Variants in GABRB3 observed in about 807,000 individuals in gnomAD.
GABRB3 encodes gamma-aminobutyric acid type A receptor subunit beta3, also known as gamma-aminobutyric acid receptor subunit beta-3.
In GABRB3, 14 loss-of-function variants were observed where a neutral mutation model predicts 52.1. The ratio of observed to expected loss-of-function variants is 0.27; its 90% CI spans 0.18 to 0.42. The LOEUF (loss-of-function observed/expected upper bound fraction) is 0.42. Ranked by LOEUF, GABRB3 falls within the 10% of genes least tolerant of loss-of-function variation. The pLI, the probability that GABRB3 is intolerant of heterozygous loss-of-function variation, is 1.00. For missense variants in GABRB3, 307 were observed against 609.1 expected (o/e 0.50, Z 5.22); for synonymous variants, 260 against 232.3 (o/e 1.12, Z -1.08).
At chr15:26,660,905 C>T (rs1887521311) in intron 3 of GABRB3, among the ~76,000 whole-genome samples, 1 of 152,124 alleles carries the variant, frequency 6.6e-6, no homozygotes, top group Non-Finnish European at 1.5e-5. Context: ...GTAGCGTGCA[C>T]TCATGGCTCA....
chr15:26,768,823 C>A (rs771599328), intron 3 of GABRB3, among the ~76,000 whole-genome samples: 3 of 151,566 alleles, frequency 2.0e-5, no homozygotes, highest in Non-Finnish European at 4.4e-5. Flanking sequence ...AAAGAATGTA[C>A]GAAAAGAAAC....
intron 6 of GABRB3, among the ~76,000 whole-genome samples, chr15:26,570,071 C>T (rs949377282): frequency 3.3e-5 from 5 of 152,184 alleles, no homozygotes; most frequent in African/African-American, 1.2e-4. Flanking sequence ...GTGGAGGACA[C>T]ACAGATCCCT....
intron 3 of GABRB3, among the ~76,000 whole-genome samples, chr15:26,717,830 G>A (rs924832574): frequency 1.3e-5 from 2 of 152,192 alleles, no homozygotes; most frequent in Admixed American, 6.5e-5. Flanking sequence ...GAACTCAACA[G>A]CTGTAACAAA....
chr15:26,747,788 C>G (rs1890386773), intron 3 of GABRB3, among the ~76,000 whole-genome samples: 1 of 152,016 alleles, frequency 6.6e-6, no homozygotes, highest in Admixed American at 6.6e-5. Flanking sequence ...GGGAAAAAAT[C>G]CAGTCATTCA....
intron 5 of GABRB3, among the ~76,000 whole-genome samples, chr15:26,582,183 C>T (rs1315753485): frequency 1.3e-5 from 2 of 152,216 alleles, no homozygotes; most frequent in African/African-American, 2.4e-5. Flanking sequence ...TCTTCCTGCT[C>T]ATCATACACC....
At chr15:26,735,079 G>A (rs1021767536) in intron 3 of GABRB3, among the ~76,000 whole-genome samples, 1 of 152,088 alleles carries the variant, frequency 6.6e-6, no homozygotes, top group Admixed American at 6.6e-5. Flanking sequence ...ATGAACAACA[G>A]ACATAAACAA....
At chr15:26,639,898 G>C (rs1893152688) in intron 3 of GABRB3, among the ~76,000 whole-genome samples, 1 of 152,182 alleles carries the variant, frequency 6.6e-6, no homozygotes, top group African/African-American at 2.4e-5. Flanking sequence ...GGAAGATTTA[G>C]GTTTCACAAA....
intron 3 of GABRB3, among the ~76,000 whole-genome samples, chr15:26,733,415 C>T (rs369018869): frequency 1.3e-5 from 2 of 151,654 alleles, no homozygotes; most frequent in African/African-American, 4.8e-5. Context: ...ATTCATGATA[C>T]AATAAAAAAT....
At chr15:26,771,100 T>G (rs1891131453) in intron 3 of GABRB3, among the ~76,000 whole-genome samples, 1 of 152,200 alleles carries the variant, frequency 6.6e-6, no homozygotes, top group Non-Finnish European at 1.5e-5. Flanking sequence ...CTTGGCGTGG[T>G]CAAAAGTTTC....
At chr15:26,629,154 G>C in intron 3 of GABRB3, 1 of 1,507,084 alleles carries the variant, frequency 6.6e-7, no homozygotes, top group African/African-American at 1.4e-5. Context: ...CGCAGGGGCG[G>C]AGTGTGGGGA....
chr15:26,547,886 G>T lies in GABRB3; in HGVS notation c.1329C>A (p.Thr443=). 1 of 1,614,078 alleles carries T rather than the reference G, an allele frequency of 6.2e-7. No individual in the cohort carries two copies. Among genetic ancestry groups the T allele is most frequent in the African/African-American group, 1.3e-5 (1 of 75,024 alleles). The stretch of plus-strand genomic sequence containing the variant: ...ACCATCTGTCTATGGCATTCACATC[G>T]GTTAGATCAGGTATTTTAATTTTGA... ...SQLKIKIPDL[T]DVNAIDRWSR... The change falls in exon 9 of 9, where the codon ACC becomes ACA. Residue 443 remains threonine (T), a synonymous_variant. Coordinates refer to ENST00000311550, the MANE Select transcript of GABRB3 (RefSeq NM_000814.6).
intron 3 of GABRB3, among the ~76,000 whole-genome samples, chr15:26,626,337 C>G (rs1002542902): frequency 2.6e-5 from 4 of 152,058 alleles, no homozygotes; most frequent in African/African-American, 7.2e-5. Flanking sequence ...ACAACAATAT[C>G]AACATTAGGC....
intron 3 of GABRB3, among the ~76,000 whole-genome samples, chr15:26,756,341 G>A (rs112973887): frequency 1.3e-5 from 2 of 151,766 alleles, no homozygotes; most frequent in African/African-American, 4.8e-5. Context: ...AAACCGAGGC[G>A]GGTGGATCAC....
At chr15:26,765,145 A>AAAAAG (rs10685945) in intron 3 of GABRB3, among the ~76,000 whole-genome samples, 1 of 150,602 alleles carries the variant, frequency 6.6e-6, no homozygotes, top group Admixed American at 6.6e-5. Context: ...AAAAAAAAAA[A>AAAAAG]GTCAAAACTT....
intron 4 of GABRB3, among the ~76,000 whole-genome samples, chr15:26,588,340 C>G (rs1360733545): frequency 6.6e-6 from 1 of 152,090 alleles, no homozygotes; most frequent in Non-Finnish European, 1.5e-5. Context: ...TTGCTCAGTG[C>G]CCAGTTCTGT....
At chr15:26,711,108 C>G (rs1181254778) in intron 3 of GABRB3, among the ~76,000 whole-genome samples, 1 of 152,180 alleles carries the variant, frequency 6.6e-6, no homozygotes, top group African/African-American at 2.4e-5. Context: ...ATTCTACAGC[C>G]AATTCATCTG....
chr15:26,731,606 G>A (rs1369677487), intron 3 of GABRB3, among the ~76,000 whole-genome samples: 1 of 152,106 alleles, frequency 6.6e-6, no homozygotes, highest in Non-Finnish European at 1.5e-5. Flanking sequence ...CAGGAGATTA[G>A]AGTTTATAAG....
At chr15:26,768,215 T>C (rs893560131) in intron 3 of GABRB3, among the ~76,000 whole-genome samples, 22 of 152,142 alleles carry the variant, frequency 1.4e-4, no homozygotes, top group African/African-American at 5.3e-4. Context: ...AGTCCTGTAG[T>C]TACACTTTCA....
intron 8 of GABRB3, among the ~76,000 whole-genome samples, chr15:26,554,875 C>G (rs1010795897): frequency 1.3e-5 from 2 of 151,786 alleles, no homozygotes; most frequent in African/African-American, 4.8e-5. Context: ...AAGTGGTAGG[C>G]AAAAAAAGTC....
Sources: allele counts gnomAD v4.1 joint callset (sites outside exome capture counted in the v4.1 genomes callset), GRCh38; gene constraint gnomAD v4.1.1; transcripts MANE v1.5; gene names NCBI Gene and HGNC (gene_info 2026-07-23, HGNC 2026-07-21).